VPS13B: variants seen among roughly 807,000 people sequenced by gnomAD.
VPS13B encodes the protein intermembrane lipid transfer protein VPS13B.
VPS13B carries 285 observed loss-of-function variants against 426.4 expected under a neutral mutation model. The observed-to-expected ratio is 0.67, with a 90% CI of 0.61 to 0.74. The LOEUF (loss-of-function observed/expected upper bound fraction) is 0.74. VPS13B is among the 30% of genes least tolerant of loss of function. The pLI, the probability that VPS13B is intolerant of heterozygous loss-of-function variation, is 0.00. For missense variants in VPS13B, 4,537 were observed against 4,782.6 expected (o/e 0.95, Z 1.51); for synonymous variants, 1,676 against 1,676.4 (o/e 1.00, Z 0.01).
At chr8:99,284,248 T>C (rs1819316235) in intron 19 of VPS13B, among the ~76,000 whole-genome samples, 1 of 152,250 alleles carries the variant, frequency 6.6e-6, no homozygotes, top group African/African-American at 2.4e-5. Context: ...GTTAGTTGAT[T>C]TTCAAATTTA....
intron 33 of VPS13B, among the ~76,000 whole-genome samples, chr8:99,606,494 G>GT (rs1827581099): frequency 1.0e-5 from 1 of 96,686 alleles, no homozygotes; most frequent in Non-Finnish European, 1.9e-5. Flanking sequence ...GCAAGACTCA[G>GT]TTTCAAAAAA....
At chr8:99,521,279 T>A (rs1343820163) in intron 30 of VPS13B, among the ~76,000 whole-genome samples, 1 of 152,234 alleles carries the variant, frequency 6.6e-6, no homozygotes, top group Non-Finnish European at 1.5e-5. Context: ...TTTTAGCAGA[T>A]GTCAAATTTG....
chr8:99,836,768 T>C (rs1320277165), intron 54 of VPS13B, among the ~76,000 whole-genome samples: 1 of 152,250 alleles, frequency 6.6e-6, no homozygotes, highest in African/African-American at 2.4e-5. Context: ...TAATAATGGT[T>C]ATCATTGAAT....
chr8:99,304,401 C>A (rs1820532984), intron 19 of VPS13B, among the ~76,000 whole-genome samples: 1 of 151,080 alleles, frequency 6.6e-6, no homozygotes, highest in Non-Finnish European at 1.5e-5. Flanking sequence ...AAAAGAAAAT[C>A]ATGTTTTGTT....
At chr8:99,383,716 T>C (rs1446555839) in intron 19 of VPS13B, among the ~76,000 whole-genome samples, 2 of 152,204 alleles carry the variant, frequency 1.3e-5, no homozygotes, top group Non-Finnish European at 2.9e-5. Flanking sequence ...AATTCTAAAA[T>C]ATATGTTTTC....
chr8:99,785,473 A>C (rs1563916594), intron 43 of VPS13B, among the ~76,000 whole-genome samples: 1 of 152,160 alleles, frequency 6.6e-6, no homozygotes, highest in Non-Finnish European at 1.5e-5. Context: ...TTTCTTATTT[A>C]AATATATTTA....
chr8:99,127,279 T>A (rs1400594976), intron 8 of VPS13B, among the ~76,000 whole-genome samples: 1 of 151,976 alleles, frequency 6.6e-6, no homozygotes, highest in Non-Finnish European at 1.5e-5. Context: ...AACTCCATCA[T>A]GATATAGATG....
intron 30 of VPS13B, among the ~76,000 whole-genome samples, chr8:99,530,080 A>G (rs1177778788): frequency 6.6e-6 from 1 of 152,162 alleles, no homozygotes; most frequent in African/African-American, 2.4e-5. Context: ...TTTGTTACGA[A>G]GAACTTTACA....
rs576003479 is a variant in VPS13B at position 99,512,172 on chromosome 8, G to A, written c.4633+660G>A. Among the ~76,000 whole-genome samples, 5 of 152,274 alleles carry A rather than the reference G, an allele frequency of 3.3e-5. No individual in the cohort carries two copies. The South Asian group carries it at 1.0e-3, about 32-fold the overall frequency. On this transcript the variant is annotated intron_variant, in intron 29 of 61. Transcript: ENST00000357162. ...TTTTTATGTCTAACTTTTCTTAGAAGCTATCTTAAAATTAATTACTTTGAG... is the reference window on the plus strand; with the variant it reads ...TTTTTATGTCTAACTTTTCTTAGAAACTATCTTAAAATTAATTACTTTGAG...
intron 43 of VPS13B, chr8:99,798,957 T>C (rs555375360): frequency 2.0e-5 from 3 of 152,348 alleles, no homozygotes; most frequent in East Asian, 3.9e-4. Flanking sequence ...TTAAGAATGT[T>C]ATAAAGATTT....
intron 19 of VPS13B, among the ~76,000 whole-genome samples, chr8:99,326,310 C>T (rs1260790390): frequency 6.6e-6 from 1 of 151,872 alleles, no homozygotes; most frequent in African/African-American, 2.4e-5. Flanking sequence ...TATCTTATTT[C>T]CCAACTATAT....
intron 41 of VPS13B, among the ~76,000 whole-genome samples, chr8:99,778,193 C>T (rs1811835524): frequency 6.7e-6 from 1 of 149,780 alleles, no homozygotes; most frequent in South Asian, 2.1e-4. Flanking sequence ...GATCACACCA[C>T]TGCACTCCAG....
chr8:99,214,400 T>C (rs796474128), intron 17 of VPS13B, among the ~76,000 whole-genome samples: 1 of 152,226 alleles, frequency 6.6e-6, no homozygotes, highest in South Asian at 2.1e-4. Flanking sequence ...ATTTCAAACA[T>C]TGTACTTTTT....
intron 33 of VPS13B, among the ~76,000 whole-genome samples, chr8:99,640,025 T>TAAGAAGAAGAAGAAGAAG (rs1200705406): frequency 1.9e-5 from 2 of 104,332 alleles, no homozygotes; most frequent in African/African-American, 7.4e-5. Context: ...ATAATAATAA[T>TAAGAAGAAGAAGAAGAAG]AAGAAGAAGA....
intron 17 of VPS13B, among the ~76,000 whole-genome samples, chr8:99,270,220 C>T (rs1299389660): frequency 1.2e-4 from 15 of 126,624 alleles, no homozygotes; most frequent in African/African-American, 4.4e-4. Context: ...CTCACTGCAA[C>T]CTCTGCCTCC....
chr8:99,569,741 C>T (rs1168288203), intron 31 of VPS13B, among the ~76,000 whole-genome samples: 1 of 152,184 alleles, frequency 6.6e-6, no homozygotes, highest in Non-Finnish European at 1.5e-5. Flanking sequence ...ATGTGGCATA[C>T]ACCTGTGCCT....
intron 3 of VPS13B, among the ~76,000 whole-genome samples, chr8:99,088,416 G>C (rs1402533750): frequency 6.6e-6 from 1 of 152,116 alleles, no homozygotes; most frequent in Non-Finnish European, 1.5e-5. Context: ...TTTCTTAGGA[G>C]ACTGAGAAGA....
intron 25 of VPS13B, among the ~76,000 whole-genome samples, chr8:99,491,595 C>G (rs545872493): frequency 6.6e-6 from 1 of 152,242 alleles, no homozygotes; most frequent in African/African-American, 2.4e-5. Context: ...TGTCTTCTCA[C>G]TTTATTTCAT....
intron 19 of VPS13B, among the ~76,000 whole-genome samples, chr8:99,329,031 T>A (rs537118785): frequency 3.5e-4 from 53 of 152,274 alleles, no homozygotes; most frequent in Non-Finnish European, 7.4e-5. Context: ...TTCAGTTGAG[T>A]GCTTCTTAGC....
Sources: gnomAD v4.1 joint callset for allele counts (sites outside exome capture counted in the v4.1 genomes callset) on GRCh38, gnomAD v4.1.1 for gene constraint, MANE v1.5 for transcripts, NCBI Gene and HGNC (gene_info 2026-07-23, HGNC 2026-07-21) for gene names.